Variants in HS3ST5 observed in about 807,000 individuals in gnomAD.
HS3ST5 encodes the protein heparan sulfate glucosamine 3-O-sulfotransferase 5.
In HS3ST5, 10 loss-of-function variants were observed where a neutral mutation model predicts 25.4. The observed-to-expected ratio is 0.39, with a 90% CI of 0.24 to 0.67. The LOEUF is 0.67. HS3ST5 is among the 30% of genes least tolerant of loss of function. HS3ST5 has a pLI of 0.44. For synonymous variants in HS3ST5, 170 were observed against 162.4 expected (o/e 1.05, Z -0.36); for missense variants, 324 against 420.7 (o/e 0.77, Z 2.01).
At chr6:114,259,602 T>C (rs1286420831) in intron 1 of HS3ST5, among the ~76,000 whole-genome samples, 1 of 152,242 alleles carries the variant, frequency 6.6e-6, no homozygotes, top group African/African-American at 2.4e-5. Context: ...GCAGTTGTTT[T>C]ATAGAGATAA....
intron 3 of HS3ST5, among the ~76,000 whole-genome samples, chr6:114,119,157 C>A (rs1276872100): frequency 6.6e-6 from 1 of 152,070 alleles, no homozygotes; most frequent in Non-Finnish European, 1.5e-5. Flanking sequence ...AATGGATGCC[C>A]ACAAACCTAA....
At chr6:114,190,998 G>T (rs553255511) in intron 2 of HS3ST5, among the ~76,000 whole-genome samples, 37 of 152,254 alleles carry the variant, frequency 2.4e-4, no homozygotes, top group African/African-American at 7.9e-4. Context: ...TGAATACAGG[G>T]TCATCATGAA....
intron 3 of HS3ST5, chr6:114,088,881 C>T (rs1774982812): frequency 6.6e-6 from 1 of 152,096 alleles, no homozygotes; most frequent in Admixed American, 6.5e-5. Context: ...ACACTAAGAA[C>T]ATTAGGGCTG....
intron 3 of HS3ST5, among the ~76,000 whole-genome samples, chr6:114,136,603 C>A (rs1777627768): frequency 6.6e-6 from 1 of 152,176 alleles, no homozygotes; most frequent in Admixed American, 6.5e-5. Flanking sequence ...AACTTGAAAT[C>A]CTTCAGTCTC....
intron 1 of HS3ST5, among the ~76,000 whole-genome samples, chr6:114,322,778 G>A (rs756237041): frequency 2.0e-5 from 3 of 152,124 alleles, no homozygotes; most frequent in African/African-American, 7.2e-5. Flanking sequence ...ATATTACTGC[G>A]ATATGGCAAT....
At chr6:114,230,963 T>C (rs887228672) in intron 1 of HS3ST5, among the ~76,000 whole-genome samples, 5 of 152,088 alleles carry the variant, frequency 3.3e-5, no homozygotes, top group Admixed American at 2.6e-4. Flanking sequence ...TCTTTGTCTA[T>C]TGAATTAAGT....
intron 3 of HS3ST5, among the ~76,000 whole-genome samples, chr6:114,124,035 C>G (rs1776919925): frequency 6.6e-6 from 1 of 152,172 alleles, no homozygotes; most frequent in East Asian, 1.9e-4. Context: ...CTTAACATCT[C>G]CCTTCCACCA....
chr6:114,059,353 T>C (rs1377509355), intron 4 of HS3ST5: 1 of 152,214 alleles, frequency 6.6e-6, no homozygotes, highest in Admixed American at 6.5e-5. Flanking sequence ...GTTATTCTAA[T>C]AATTTGGAAT....
chr6:114,221,537 G>A (rs752722579), intron 2 of HS3ST5, among the ~76,000 whole-genome samples: 5 of 151,576 alleles, frequency 3.3e-5, no homozygotes, highest in African/African-American at 9.7e-5. Context: ...TACAGTTATA[G>A]TGATACTATA....
intron 1 of HS3ST5, chr6:114,252,043 G>A (rs1772688155): frequency 6.6e-6 from 1 of 152,140 alleles, no homozygotes; most frequent in African/African-American, 2.4e-5. Context: ...GACTGAAAGA[G>A]TTAAGAGCCA....
chr6:114,092,651 C>CTTAT (rs10691266), intron 3 of HS3ST5, among the ~76,000 whole-genome samples: 37,834 of 146,500 alleles, frequency 0.26, 5,151 homozygotes, highest in African/African-American at 0.34. Context: ...AGATGTCAGG[C>CTTAT]TTATTTATTT....
chr6:114,158,017 G>C (rs1467127566), intron 3 of HS3ST5, among the ~76,000 whole-genome samples: 1 of 152,026 alleles, frequency 6.6e-6, no homozygotes, highest in Non-Finnish European at 1.5e-5. Flanking sequence ...GCTGTCAATG[G>C]AGCTGTCACT....
chr6:114,238,813 T>C (rs1051663363), intron 1 of HS3ST5, among the ~76,000 whole-genome samples: 1 of 152,164 alleles, frequency 6.6e-6, no homozygotes, highest in African/African-American at 2.4e-5. Context: ...CCCGCCACCA[T>C]ATTAATAGGT....
At chr6:114,304,639 G>T (rs1775215569) in intron 1 of HS3ST5, among the ~76,000 whole-genome samples, 1 of 151,950 alleles carries the variant, frequency 6.6e-6, no homozygotes, top group African/African-American at 2.4e-5. Context: ...AACCATATTA[G>T]AAATTAAAAC....
chr6:114,065,851 C>T (rs1264716266), intron 3 of HS3ST5, among the ~76,000 whole-genome samples: 2 of 152,314 alleles, frequency 1.3e-5, no homozygotes, highest in East Asian at 3.9e-4. Flanking sequence ...GGGAAGTTAT[C>T]GACCTCCTCT....
intron 1 of HS3ST5, among the ~76,000 whole-genome samples, chr6:114,283,238 T>C (rs182222344): frequency 4.6e-5 from 7 of 152,086 alleles, no homozygotes; most frequent in Non-Finnish European, 7.4e-5. Flanking sequence ...ACCTTGGTTT[T>C]CCTTTATTCT....
intron 1 of HS3ST5, among the ~76,000 whole-genome samples, chr6:114,244,817 G>A (rs1332176017): frequency 6.6e-6 from 1 of 152,168 alleles, no homozygotes; most frequent in Non-Finnish European, 1.5e-5. Flanking sequence ...CAATAAAGAA[G>A]TGACCACTTA....
chr6:114,152,386 T>A (rs1778498547), intron 3 of HS3ST5, among the ~76,000 whole-genome samples: 1 of 152,200 alleles, frequency 6.6e-6, no homozygotes, highest in South Asian at 2.1e-4. Flanking sequence ...CCATTAACTG[T>A]TAACACTCCT....
At chr6:114,152,034 G>C (rs1329754283) in intron 3 of HS3ST5, among the ~76,000 whole-genome samples, 2 of 152,016 alleles carry the variant, frequency 1.3e-5, no homozygotes, top group African/African-American at 4.8e-5. Flanking sequence ...GGCTTCAAGC[G>C]ATTCTTTTGC....
Sources: allele counts gnomAD v4.1 joint callset (sites outside exome capture counted in the v4.1 genomes callset), GRCh38; gene constraint gnomAD v4.1.1; transcripts MANE v1.5; gene names NCBI Gene and HGNC (gene_info 2026-07-23, HGNC 2026-07-21).